WAC: variants seen among roughly 807,000 people sequenced by gnomAD.
The protein encoded by WAC is WW domain-containing adapter protein with coiled-coil.
Under a neutral mutation model 79.6 loss-of-function variants are expected in WAC, and 11 were observed. The ratio of observed to expected loss-of-function variants is 0.14; its 90% CI spans 0.09 to 0.23. WAC has a LOEUF of 0.23. Ranked by LOEUF, WAC falls within the 10% of genes least tolerant of loss-of-function variation. The probability of loss-of-function intolerance (pLI) is 1.00; values close to 1 mark genes in which losing one functional copy is unlikely to be tolerated. For synonymous variants in WAC, 304 were observed against 276.9 expected (o/e 1.10, Z -0.97); for missense variants, 728 against 773.5 (o/e 0.94, Z 0.70).
chr10:28,603,041 A>G (rs924478578), intron 7 of WAC, among the ~76,000 whole-genome samples: 5 of 152,216 alleles, frequency 3.3e-5, no homozygotes, highest in African/African-American at 1.2e-4. Flanking sequence ...AGATCACAAA[A>G]TATCCTTTGA....
At chr10:28,606,266 G>A (rs1162680255) in intron 7 of WAC, among the ~76,000 whole-genome samples, 7 of 152,136 alleles carry the variant, frequency 4.6e-5, no homozygotes, top group South Asian at 2.1e-4. Context: ...TGCCCAGGCC[G>A]GTCTTGGAAA....
rs184621128 is a variant in WAC at position 28,614,246 on chromosome 10, C to T, written c.1438-321C>T. ...TCAGCCTCCCGAGTAGCTGGGACTA[C>T]AGGCGCCCGCCACTGCGCCCGGCTA... On this transcript the variant is annotated intron_variant, in intron 10 of 13. Coordinates refer to ENST00000354911, the MANE Select transcript of WAC (RefSeq NM_016628.5). Among the ~76,000 whole-genome samples the T allele has an allele frequency of 7.6e-4, 115 of 152,012 alleles. 6 individuals are homozygous for T. In the East Asian group the frequency reaches 0.022, roughly 29 times the overall value.
intron 3 of WAC, among the ~76,000 whole-genome samples, chr10:28,554,281 G>T (rs1837862144): frequency 6.6e-6 from 1 of 152,168 alleles, no homozygotes; most frequent in African/African-American, 2.4e-5. Context: ...GAGCATCTTA[G>T]AACCAGTCTC....
At chr10:28,555,437 ATT>A (rs11324050) in intron 3 of WAC, among the ~76,000 whole-genome samples, 6 of 151,502 alleles carry the variant, frequency 4.0e-5, no homozygotes, top group African/African-American at 1.5e-4. Flanking sequence ...AGTAAGGAAG[ATT>A]TTTTTTTTCT....
chr10:28,617,475 C>T (rs183284294), intron 12 of WAC, among the ~76,000 whole-genome samples, 182 bp from the exon 13 acceptor site: 2 of 152,276 alleles, frequency 1.3e-5, no homozygotes, highest in East Asian at 3.9e-4. Context: ...TACCTTCCAC[C>T]CTTAGAGACA....
rs1198602292 is a variant in WAC at position 28,535,727 on chromosome 10, C to T, written c.244C>T (p.His82Tyr). 1 of 1,613,646 alleles carries T rather than the reference C, an allele frequency of 6.2e-7. No individual in the cohort carries two copies. The highest frequency in any genetic ancestry group is 1.1e-5 in the South Asian group (1 of 91,022). Reference sequence around the variant, plus strand: ...AGGTCACAGTAAGGCCAAAAATGTGCATACTCACAGAGTTAGAGAGAGGGA... The same window carrying T: ...AGGTCACAGTAAGGCCAAAAATGTGTATACTCACAGAGTTAGAGAGAGGGA... ...STGHSKAKNV[H>Y]THRVRERDGG... Residue 82 changes from histidine (H) to tyrosine (Y), a missense_variant, in exon 3 of 14, where the codon CAT becomes TAT. His to Tyr is a moderately conservative substitution (Grantham distance 83, BLOSUM62 2). This residue lies in a region of WAC where 648 missense variants were observed against 661.5 expected (regional missense o/e 0.98). Transcript: ENST00000354911.
At chr10:28,569,462 T>C (rs1838829969) in intron 3 of WAC, among the ~76,000 whole-genome samples, 1 of 152,254 alleles carries the variant, frequency 6.6e-6, no homozygotes, top group Non-Finnish European at 1.5e-5. Context: ...GCCAGTCTGA[T>C]TATTCAGCCA....
rs1028637971 is a variant in WAC at position 28,614,271 on chromosome 10, A to G, written c.1438-296A>G. On this transcript the variant is annotated intron_variant, in intron 10 of 13. Coordinates refer to ENST00000354911, the MANE Select transcript of WAC (RefSeq NM_016628.5). ...CAGGCGCCCGCCACTGCGCCCGGCT[A>G]ATTTTTTGTATTTTTAGTAGAGACG... Among the ~76,000 whole-genome samples the G allele has an allele frequency of 1.5e-3, 229 of 151,970 alleles. 1 individual carries two copies. Among genetic ancestry groups the G allele is most frequent in the African/African-American group, 5.1e-3 (210 of 41,506 alleles).
chr10:28,613,067 A>C (rs1256154575), intron 10 of WAC, among the ~76,000 whole-genome samples: 1 of 152,126 alleles, frequency 6.6e-6, no homozygotes, highest in Non-Finnish European at 1.5e-5. Flanking sequence ...GGATTGAATT[A>C]GGCCCTGGGC....
intron 9 of WAC, 48 bp from the exon 10 acceptor site, chr10:28,611,726 T>A: frequency 6.3e-7 from 1 of 1,595,490 alleles, no homozygotes; most frequent in Non-Finnish European, 8.5e-7. Context: ...TTTAGTTTTT[T>A]GTTTTGTTTT....
At position 28,542,112 on chromosome 10, in the gene WAC, T is replaced by A. The variant is rs137908680; in HGVS notation, c.274+6355T>A. 3.7e-4 allele frequency among the ~76,000 whole-genome samples: 57 copies of A among 152,342 alleles called. No individual in the cohort carries two copies. In the East Asian group the frequency reaches 0.01, roughly 28 times the overall value. ...CATACTGGCCCTGCAGGCAGAAGTT[T>A]GTTCCTGTCTCAGGGGCTCTGCACA... On this transcript the variant is annotated intron_variant, in intron 3 of 13. Coordinates refer to ENST00000354911, the MANE Select transcript of WAC (RefSeq NM_016628.5).
intron 3 of WAC, among the ~76,000 whole-genome samples, chr10:28,538,914 C>T (rs34455583): frequency 0.23 from 34,738 of 149,142 alleles, 4,708 homozygotes; most frequent in Non-Finnish European, 0.28. Context: ...AAATTCAAGA[C>T]CATTATCAAA....
At chr10:28,611,297 A>T (rs1395209379) in intron 9 of WAC, 1 of 1,292,672 alleles carries the variant, frequency 7.7e-7, no homozygotes, top group Non-Finnish European at 1.0e-6. Flanking sequence ...AGAGATACAC[A>T]TAGGAGCAAA....
intron 10 of WAC, among the ~76,000 whole-genome samples, chr10:28,613,361 G>A (rs545783575): frequency 6.6e-6 from 1 of 152,240 alleles, no homozygotes; most frequent in South Asian, 2.1e-4. Context: ...GTGAAACTCT[G>A]AAAAACTTTC....
Position 28,533,549 on chromosome 10 carries a change from T to A in WAC, c.-31T>A. The stretch of plus-strand genomic sequence containing the variant: ...CGCCTTTCGCGGCCGCTCTCCCCCC[T>A]CCCCGACACACACTCACAGGCCGGG... On this transcript the variant is annotated 5_prime_UTR_variant, in exon 1 of 14. Transcript: ENST00000354911. 1.2e-5 allele frequency: 16 copies of A among 1,287,572 alleles called. No homozygotes were observed. Among genetic ancestry groups the A allele is most frequent in the Admixed American group, 2.3e-5 (1 of 43,316 alleles). The allele number at this position is 1,287,572 out of a possible 1,614,324, so 79.8% of individuals were successfully genotyped here. A position where few individuals can be genotyped will look rare whatever the true frequency, so the allele number is the denominator to read the frequency against.
At chr10:28,570,226 T>TTA (rs1838870976) in intron 3 of WAC, among the ~76,000 whole-genome samples, 1 of 152,234 alleles carries the variant, frequency 6.6e-6, no homozygotes, top group Non-Finnish European at 1.5e-5. Context: ...TTTGTACAGA[T>TTA]AATAGAGTGG....
intron 3 of WAC, among the ~76,000 whole-genome samples, chr10:28,564,883 A>AG (rs1170944264): frequency 1.3e-5 from 2 of 152,096 alleles, no homozygotes; most frequent in East Asian, 3.9e-4. Context: ...TGTTCCATGC[A>AG]GGGTTGGTTG....
chr10:28,596,086 A>T, intron 7 of WAC, 45 bp downstream of exon 7: 7 of 1,544,462 alleles, frequency 4.5e-6, no homozygotes, highest in Non-Finnish European at 6.1e-6. Context: ...TATAGTTTCT[A>T]AGTTTCTTCT....
chr10:28,535,308 A>G (rs1836578393), intron 2 of WAC: 2 of 325,634 alleles, frequency 6.1e-6, no homozygotes, highest in South Asian at 9.2e-5. Context: ...ATCAGTGTGC[A>G]AGGTGGTTTA....
Sources: gnomAD v4.1 joint callset for allele counts (sites outside exome capture counted in the v4.1 genomes callset) on GRCh38, gnomAD v4.1.1 for gene constraint, gnomAD v4.1.1 regional missense constraint, MANE v1.5 for transcripts, NCBI Gene and HGNC (gene_info 2026-07-23, HGNC 2026-07-21) for gene names.